The following CYP7B1 variants were observed in gnomAD, a reference collection of about 807,000 sequenced individuals.
The protein encoded by CYP7B1 is cytochrome P450 family 7 subfamily B member 1, also known as cytochrome P450 7B1.
CYP7B1 carries 29 observed loss-of-function variants against 42.7 expected under a neutral mutation model. That is an observed-to-expected ratio of 0.68 (90% CI 0.51 to 0.93). CYP7B1 has a LOEUF of 0.93. Among genes scored for constraint, CYP7B1 ranks in the 40% least tolerant of loss-of-function variants. The pLI is 0.00. For missense variants in CYP7B1, 655 were observed against 600.5 expected, an observed-to-expected ratio of 1.09 and a Z score of -0.95; for synonymous variants, 235 against 218.2, an observed-to-expected ratio of 1.08 and a Z score of -0.68.
At chr8:64,682,037 G>A (rs1258813344) in intron 1 of CYP7B1, among the ~76,000 whole-genome samples, 1 of 152,172 alleles carries the variant, frequency 6.6e-6, no homozygotes, top group Non-Finnish European at 1.5e-5. Context: ...TATTATTGGA[G>A]TGGCAGGGGA....
intron 1 of CYP7B1, among the ~76,000 whole-genome samples, chr8:64,689,980 TC>T (rs1806714071): frequency 1.3e-5 from 2 of 152,246 alleles, no homozygotes; most frequent in Non-Finnish European, 2.9e-5. Flanking sequence ...GAGAAATATG[TC>T]TTGATGTAAT....
At chr8:64,711,893 A>G (rs1286682293) in intron 1 of CYP7B1, among the ~76,000 whole-genome samples, 1 of 152,188 alleles carries the variant, frequency 6.6e-6, no homozygotes, top group Non-Finnish European at 1.5e-5. Flanking sequence ...CAAATCAAAA[A>G]TTATTTCTGT....
intron 1 of CYP7B1, among the ~76,000 whole-genome samples, chr8:64,752,792 C>T (rs1165034760): frequency 1.3e-5 from 2 of 152,130 alleles, no homozygotes; most frequent in African/African-American, 4.8e-5. Flanking sequence ...ATTTCTCTTG[C>T]AATTCATAAA....
intron 1 of CYP7B1, among the ~76,000 whole-genome samples, chr8:64,747,281 A>C (rs1302871115): frequency 1.3e-5 from 2 of 148,298 alleles, no homozygotes; most frequent in East Asian, 1.9e-4. Flanking sequence ...GTATATTTGA[A>C]TATAATATTA....
rs1028542695 is a variant in CYP7B1, at chr8:64,595,049, A to G, written c.*1593T>C. On this transcript the variant is annotated 3_prime_UTR_variant, in exon 6 of 6. Coordinates refer to ENST00000310193, the MANE Select transcript of CYP7B1 (RefSeq NM_004820.5). Reference sequence around the variant, plus strand: ...TACCTATTGAGTAATTAAACTCACTAACGGCTATCCGCCCAATAACAACAA... The same window carrying G: ...TACCTATTGAGTAATTAAACTCACTGACGGCTATCCGCCCAATAACAACAA... Among the ~76,000 whole-genome samples, 2 of 152,232 alleles carry G rather than the reference A, an allele frequency of 1.3e-5. No homozygotes were observed. Among genetic ancestry groups the G allele is most frequent in the Non-Finnish European group, 2.9e-5 (2 of 68,030 alleles).
chr8:64,752,536 T>C (rs541219280), intron 1 of CYP7B1, among the ~76,000 whole-genome samples: 19 of 152,066 alleles, frequency 1.2e-4, no homozygotes, highest in Non-Finnish European at 2.5e-4. Context: ...ATGCTAGTAA[T>C]GAGGAAAGAC....
At chr8:64,786,619 T>C (rs1027741303) in intron 1 of CYP7B1, among the ~76,000 whole-genome samples, 12 of 152,092 alleles carry the variant, frequency 7.9e-5, no homozygotes, top group African/African-American at 2.9e-4. Context: ...TGGCATTGAG[T>C]GTCTGGCTTT....
chr8:64,701,883 G>C lies in CYP7B1; in HGVS notation c.123-77344C>G, dbSNP rs1013402914. Among the ~76,000 whole-genome samples, 10 of 152,160 alleles carry C rather than the reference G, an allele frequency of 6.6e-5. No homozygotes were observed. In the South Asian group the frequency reaches 2.1e-3, roughly 32 times the overall value. ...TTATTATATCACAGAGGTTATTCCA[G>C]TTTCTAATAAAGCACTGTAGCTAAC... On this transcript the variant is annotated intron_variant, in intron 1 of 5. Coordinates refer to ENST00000310193, the MANE Select transcript of CYP7B1 (RefSeq NM_004820.5).
At chr8:64,697,449 T>C (rs951781348) in intron 1 of CYP7B1, among the ~76,000 whole-genome samples, 1 of 152,228 alleles carries the variant, frequency 6.6e-6, no homozygotes, top group African/African-American at 2.4e-5. Context: ...GACGTGTGTC[T>C]GTCTTGTCCA....
chr8:64,742,223 T>C (rs547352944), intron 1 of CYP7B1, among the ~76,000 whole-genome samples: 52 of 151,698 alleles, frequency 3.4e-4, no homozygotes, highest in Non-Finnish European at 6.3e-4. Flanking sequence ...ACTGAAAAAA[T>C]ATTACACTGA....
intron 1 of CYP7B1, among the ~76,000 whole-genome samples, chr8:64,647,336 G>C (rs890284714): frequency 5.9e-5 from 9 of 152,046 alleles, no homozygotes; most frequent in African/African-American, 2.2e-4. Context: ...AATATTGTGA[G>C]AATTATCAAA....
chr8:64,795,017 A>G (rs1804682592), intron 1 of CYP7B1, among the ~76,000 whole-genome samples: 1 of 152,210 alleles, frequency 6.6e-6, no homozygotes, highest in Admixed American at 6.5e-5. Flanking sequence ...GTTCAGAAAA[A>G]AAAAAGCAAC....
chr8:64,792,546 T>C (rs2129726201), intron 1 of CYP7B1, among the ~76,000 whole-genome samples: 1 of 152,200 alleles, frequency 6.6e-6, no homozygotes, highest in East Asian at 1.9e-4. Flanking sequence ...TTGAAAAGAT[T>C]AGGGAATAAT....
chr8:64,753,620 C>A (rs1207534874), intron 1 of CYP7B1, among the ~76,000 whole-genome samples: 1 of 152,170 alleles, frequency 6.6e-6, no homozygotes, highest in Non-Finnish European at 1.5e-5. Flanking sequence ...AAGACTCTCG[C>A]CCTCATGAGG....
intron 1 of CYP7B1, among the ~76,000 whole-genome samples, chr8:64,761,137 T>C (rs1019027301): frequency 1.3e-5 from 2 of 152,012 alleles, no homozygotes; most frequent in African/African-American, 4.8e-5. Flanking sequence ...TCTAAAAAGG[T>C]TGAACCTAGA....
chr8:64,765,844 C>T (rs1412731595), intron 1 of CYP7B1, among the ~76,000 whole-genome samples: 1 of 152,112 alleles, frequency 6.6e-6, no homozygotes, highest in Non-Finnish European at 1.5e-5. Flanking sequence ...TACCTCTTTC[C>T]CTCTCAGACT....
At chr8:64,670,252 A>G (rs1806345396) in intron 1 of CYP7B1, among the ~76,000 whole-genome samples, 1 of 152,146 alleles carries the variant, frequency 6.6e-6, no homozygotes, top group African/African-American at 2.4e-5. Flanking sequence ...CAAGGAGAAC[A>G]CCTCACTTTA....
chr8:64,735,700 T>G (rs191523564), intron 1 of CYP7B1, among the ~76,000 whole-genome samples: 1 of 152,178 alleles, frequency 6.6e-6, no homozygotes, highest in Non-Finnish European at 1.5e-5. Context: ...TCACAAAAAG[T>G]AGAGAGAAAA....
intron 1 of CYP7B1, among the ~76,000 whole-genome samples, chr8:64,797,596 G>C (rs1234771425): frequency 6.6e-6 from 1 of 152,122 alleles, no homozygotes; most frequent in East Asian, 1.9e-4. Context: ...CAGTACAAAG[G>C]TGTCACTTCC....
Sources: allele counts gnomAD v4.1 joint callset (sites outside exome capture counted in the v4.1 genomes callset), GRCh38; gene constraint gnomAD v4.1.1; transcripts MANE v1.5; gene names NCBI Gene and HGNC (gene_info 2026-07-23, HGNC 2026-07-21).